Variants in CSMD3 observed in about 807,000 individuals in gnomAD.
The protein encoded by CSMD3 is CUB and sushi domain-containing protein 3.
A neutral mutation model predicts 435.2 loss-of-function variants in CSMD3; 177 were observed. The ratio of observed to expected loss-of-function variants is 0.41; its 90% confidence interval spans 0.36 to 0.46. CSMD3 has a LOEUF of 0.46. Among genes scored for constraint, CSMD3 ranks in the 20% least tolerant of loss-of-function variants. The pLI, the probability that CSMD3 is intolerant of heterozygous loss-of-function variation, is 0.34. For synonymous variants in CSMD3, 1,656 were observed against 1,520.5 expected, an observed-to-expected ratio of 1.09 and a Z score of -2.07; for missense variants, 4,265 against 4,504.6, an observed-to-expected ratio of 0.95 and a Z score of 1.52.
At chr8:112,979,317 T>G (rs2130953296) in intron 6 of CSMD3, among the ~76,000 whole-genome samples, 1 of 151,906 alleles carries the variant, frequency 6.6e-6, no homozygotes, top group African/African-American at 2.4e-5. Context: ...AACACTGATT[T>G]CCTTTTTAAG....
intron 1 of CSMD3, among the ~76,000 whole-genome samples, chr8:113,427,780 G>C (rs1038432000): frequency 6.6e-6 from 1 of 151,546 alleles, no homozygotes; most frequent in African/African-American, 2.4e-5. Context: ...CACTAGATTG[G>C]GGACACTCTG....
chr8:112,382,899 G>A (rs1309895919), intron 37 of CSMD3, among the ~76,000 whole-genome samples: 6 of 152,144 alleles, frequency 3.9e-5, no homozygotes, highest in Admixed American at 3.9e-4. Context: ...GCTGAGGCAG[G>A]AGAATCGCTT....
rs182837746 is a variant in CSMD3, at chr8:113,409,448, C to A, written c.178+27229G>T. The stretch of plus-strand genomic sequence containing the variant: ...CTATCTCTTTTCACTTTAGGCATGC[C>A]TTTATTCTCCATGAAGCTTGACTGC... On this transcript the variant is annotated intron_variant, in intron 1 of 70. Coordinates refer to ENST00000297405, the MANE Select transcript of CSMD3 (RefSeq NM_198123.2). Among the ~76,000 whole-genome samples, 700 of 152,130 alleles carry A rather than the reference C, an allele frequency of 4.6e-3. 9 individuals are homozygous for A. The highest frequency in any genetic ancestry group is 0.016 in the African/African-American group (665 of 41,504).
In CSMD3 at chr8:112,640,739, T is replaced by C. The variant is rs73336593; in HGVS notation, c.3311-1828A>G. On this transcript the variant is annotated intron_variant, in intron 20 of 70. Transcript: ENST00000297405. Reference sequence around the variant, plus strand: ...ATGAAAGGAAAATGGGATTTTGACATAGTAAAGAGAAGATGCTTTGCTGTC... The same window carrying C: ...ATGAAAGGAAAATGGGATTTTGACACAGTAAAGAGAAGATGCTTTGCTGTC... 5.3e-3 allele frequency among the ~76,000 whole-genome samples: 806 copies of C among 152,030 alleles called. 9 individuals carry two copies. Among genetic ancestry groups the C allele is most frequent in the African/African-American group, 0.018 (763 of 41,498 alleles).
At chr8:113,316,082 G>A (rs999018661) in intron 1 of CSMD3, among the ~76,000 whole-genome samples, 5 of 152,070 alleles carry the variant, frequency 3.3e-5, no homozygotes, top group African/African-American at 7.2e-5. Flanking sequence ...TAATACAACC[G>A]TAAGAGAAGA....
chr8:113,288,258 A>G (rs7843922), intron 2 of CSMD3, among the ~76,000 whole-genome samples: 118,727 of 151,624 alleles, frequency 0.78, 47,550 homozygotes, highest in Middle Eastern at 0.88. Context: ...TATAAACCAC[A>G]ATCTTCTAGA....
At chr8:112,763,711 T>C (rs763700235) in intron 13 of CSMD3, among the ~76,000 whole-genome samples, 3 of 150,628 alleles carry the variant, frequency 2.0e-5, no homozygotes, top group Non-Finnish European at 4.5e-5. Context: ...TTTTATTTTA[T>C]TTATTGAGCT....
intron 13 of CSMD3, among the ~76,000 whole-genome samples, chr8:112,776,636 G>C (rs914773956): frequency 3.3e-5 from 5 of 151,662 alleles, no homozygotes; most frequent in Non-Finnish European, 5.9e-5. Flanking sequence ...GACATATTGT[G>C]AGCAGCAAGT....
At chr8:113,127,607 C>G (rs1313394572) in intron 4 of CSMD3, among the ~76,000 whole-genome samples, 3 of 152,044 alleles carry the variant, frequency 2.0e-5, no homozygotes, top group Non-Finnish European at 4.4e-5. Context: ...ACCAGGTTTA[C>G]TCCTTTCACC....
At chr8:113,199,738 C>T (rs1331602613) in intron 3 of CSMD3, among the ~76,000 whole-genome samples, 1 of 151,396 alleles carries the variant, frequency 6.6e-6, no homozygotes, top group African/African-American at 2.4e-5. Flanking sequence ...TGATTTTTTC[C>T]CATTACACTA....
chr8:112,921,888 A>G, intron 9 of CSMD3, 137 bp from the exon 10 acceptor site: 1 of 696,174 alleles, frequency 1.4e-6, no homozygotes, highest in East Asian at 2.7e-5. Flanking sequence ...AAAATGTGAA[A>G]GTATGACTTG....
At chr8:112,327,812 C>T (rs527809097) in intron 45 of CSMD3, among the ~76,000 whole-genome samples, 2 of 152,278 alleles carry the variant, frequency 1.3e-5, no homozygotes, top group South Asian at 2.1e-4. Context: ...TCTGGTTCCT[C>T]GTCCAACAAA....
chr8:113,175,013 A>G (rs1412125984), intron 3 of CSMD3, among the ~76,000 whole-genome samples: 7 of 151,838 alleles, frequency 4.6e-5, no homozygotes, highest in Non-Finnish European at 7.4e-5. Flanking sequence ...AAAGTAAAAT[A>G]TTTTCCCATT....
intron 13 of CSMD3, among the ~76,000 whole-genome samples, chr8:112,797,546 A>C (rs2078857690): frequency 6.6e-6 from 1 of 151,918 alleles, no homozygotes; most frequent in Admixed American, 6.6e-5. Flanking sequence ...ATAAATAGAT[A>C]TATTTAATTT....
At chr8:112,653,155 T>TGCAAATG (rs1469430819) in intron 18 of CSMD3, among the ~76,000 whole-genome samples, 1 of 152,204 alleles carries the variant, frequency 6.6e-6, no homozygotes, top group Non-Finnish European at 1.5e-5. Flanking sequence ...TGTACATAAT[T>TGCAAATG]TTCAGAAGTT....
intron 4 of CSMD3, among the ~76,000 whole-genome samples, chr8:113,108,078 G>A (rs909893660): frequency 2.0e-5 from 3 of 152,100 alleles, no homozygotes; most frequent in Non-Finnish European, 4.4e-5. Flanking sequence ...TATGTTAAAT[G>A]GAGCAAAAAG....
intron 3 of CSMD3, among the ~76,000 whole-genome samples, chr8:113,236,947 AC>A (rs2093157772): frequency 6.6e-6 from 1 of 152,122 alleles, no homozygotes; most frequent in South Asian, 2.1e-4. Flanking sequence ...GTGTGGCTGA[AC>A]CAGAATATAC....
At chr8:113,319,786 T>G (rs1195899038) in intron 1 of CSMD3, among the ~76,000 whole-genome samples, 2 of 152,122 alleles carry the variant, frequency 1.3e-5, no homozygotes, top group East Asian at 3.8e-4. Flanking sequence ...TGTGATTCAC[T>G]TGGAATCTAT....
intron 60 of CSMD3, among the ~76,000 whole-genome samples, chr8:112,265,038 C>T (rs1235557260): frequency 6.6e-6 from 1 of 151,954 alleles, no homozygotes; most frequent in Non-Finnish European, 1.5e-5. Context: ...AATTTTTCCC[C>T]ACCCTTGAAT....
Sources: allele counts gnomAD v4.1 joint callset (sites outside exome capture counted in the v4.1 genomes callset), GRCh38; gene constraint gnomAD v4.1.1; transcripts MANE v1.5; gene names NCBI Gene and HGNC (gene_info 2026-07-23, HGNC 2026-07-21).